The following SNAPC3 variants were observed in gnomAD, a reference collection of about 807,000 sequenced individuals.
The protein encoded by SNAPC3 is small nuclear RNA activating complex polypeptide 3, also known as snRNA-activating protein complex subunit 3.
Under a neutral mutation model 47.7 loss-of-function variants are expected in SNAPC3, and 56 were observed. That is an observed-to-expected ratio of 1.18 (90% CI 0.95 to 1.47). The LOEUF (loss-of-function observed/expected upper bound fraction) is 1.47. Ranked by LOEUF, SNAPC3 falls within the 40% of genes most tolerant of loss-of-function variation. The pLI, the probability that SNAPC3 is intolerant of heterozygous loss-of-function variation, is 0.00. For synonymous variants in SNAPC3, 235 were observed against 189.9 expected (o/e 1.24, Z -1.95); for missense variants, 665 against 511.3 (o/e 1.30, Z -2.90).
chr9:15,449,187 CTG>C (rs2034175035), intron 5 of SNAPC3, among the ~76,000 whole-genome samples: 1 of 152,106 alleles, frequency 6.6e-6, no homozygotes, highest in South Asian at 2.1e-4. Flanking sequence ...TAAGATGTAA[CTG>C]TTAAATAATA....
downstream of SNAPC3, chr9:15,464,622 T>C (rs949014557): frequency 1.5e-5 from 3 of 198,060 alleles, no homozygotes; most frequent in Non-Finnish European, 3.1e-5. Flanking sequence ...ATTTATTGTA[T>C]AAGCATCATG....
chr9:15,444,677 A>AAT lies in SNAPC3; in HGVS notation c.556_557dup (p.Leu187SerfsTer30), dbSNP rs764525653. 2 of 1,606,948 alleles carry AAT rather than the reference A, an allele frequency of 1.2e-6. No individual in the cohort carries two copies. Among genetic ancestry groups the AAT allele is most frequent in the Admixed American group, 3.3e-5 (2 of 59,992 alleles). ...AGAAGGGGAGCTTATCCTATCTGTGAATATCTTGTACCCTGTTATATTTCA... is the reference window on the plus strand; with the variant it reads ...AGAAGGGGAGCTTATCCTATCTGTGAATATATCTTGTACCCTGTTATATTTCA... On this transcript the variant is annotated frameshift_variant, in exon 4 of 9. Transcript: ENST00000380821. LOFTEE classifies it high-confidence loss of function.
At chr9:15,450,284 G>A (rs1341043666) in intron 5 of SNAPC3, among the ~76,000 whole-genome samples, 1 of 152,182 alleles carries the variant, frequency 6.6e-6, no homozygotes, top group Non-Finnish European at 1.5e-5. Flanking sequence ...AGCCAGTCTT[G>A]CAGGAGTGTC....
intron 7 of SNAPC3, among the ~76,000 whole-genome samples, chr9:15,454,915 CAG>C (rs1365609855): frequency 1.3e-5 from 2 of 152,126 alleles, no homozygotes; most frequent in African/African-American, 4.8e-5. Flanking sequence ...GCTTGGGTGA[CAG>C]AGCAAGACTC....
In SNAPC3 at chr9:15,433,595, A is replaced by G. The variant is rs961024104; in HGVS notation, c.436A>G (p.Ile146Val). ...FLEHREETIT[I>V]DRACRQETFV... ...GGAACATCGGGAAGAAACCATTACA[A>G]TAGATCGAGCCTGCAGACAAGAAAC... The change falls in exon 3 of 9, where the codon ATA becomes GTA. Residue 146 changes from isoleucine to valine, a missense_variant. Physicochemically the swap from Ile to Val is conservative, Grantham distance 29. Transcript: ENST00000380821. The G allele has an allele frequency of 5.0e-6, 8 of 1,610,536 alleles. No homozygotes were observed. The East Asian group carries it at 6.7e-5, about 13-fold the overall frequency.
intron 2 of SNAPC3, among the ~76,000 whole-genome samples, chr9:15,425,766 C>T (rs1458840554): frequency 6.6e-6 from 1 of 152,210 alleles, no homozygotes; most frequent in African/African-American, 2.4e-5. Context: ...ATCTGATTGT[C>T]ACTCCCTTGC....
rs558094353 is a variant in SNAPC3 at position 15,434,375 on chromosome 9, T to A, written c.477+739T>A. Among the ~76,000 whole-genome samples, 7 of 151,882 alleles carry A rather than the reference T, an allele frequency of 4.6e-5. No individual in the cohort carries two copies. The South Asian group carries it at 1.5e-3, about 31-fold the overall frequency. The stretch of plus-strand genomic sequence containing the variant: ...ATTTGTCTATTCTAGATATCTCATG[T>A]AAGTGGAATGCTTTTTTGTCCTTTT... On this transcript the variant is annotated intron_variant, in intron 3 of 8. Transcript: ENST00000380821.
downstream of SNAPC3, chr9:15,465,702 GA>G: frequency 2.7e-6 from 2 of 728,662 alleles, no homozygotes; most frequent in South Asian, 4.4e-5. Context: ...CCAAACAAAA[GA>G]AAAACTTGAC....
At chr9:15,457,814 T>C (rs2034910104) in intron 7 of SNAPC3, 146 bp from the exon 8 acceptor site, 3 of 565,078 alleles carry the variant, frequency 5.3e-6, no homozygotes, top group East Asian at 6.8e-5. Context: ...AAACATGGCA[T>C]AACAAGTAAT....
intron 5 of SNAPC3, among the ~76,000 whole-genome samples, chr9:15,448,799 A>G (rs2034139692): frequency 6.6e-6 from 1 of 152,148 alleles, no homozygotes; most frequent in Non-Finnish European, 1.5e-5. Flanking sequence ...CGGAGCAGGA[A>G]ATACGAGATT....
chr9:15,428,077 C>G (rs1242004673), intron 2 of SNAPC3, among the ~76,000 whole-genome samples: 3 of 138,664 alleles, frequency 2.2e-5, no homozygotes, highest in East Asian at 2.3e-4. Context: ...CGCCATTGCA[C>G]TCCAGCCTGG....
At chr9:15,446,253 A>T (rs1024898660) in intron 4 of SNAPC3, among the ~76,000 whole-genome samples, 4 of 152,164 alleles carry the variant, frequency 2.6e-5, no homozygotes, top group African/African-American at 9.7e-5. Flanking sequence ...GCCTTGCTCC[A>T]TTGCCTAGGT....
Position 15,456,198 on chromosome 9 carries a change from C to T in SNAPC3, c.981-1762C>T, listed in dbSNP as rs371917899. Among the ~76,000 whole-genome samples, 11 of 151,604 alleles carry T rather than the reference C, an allele frequency of 7.3e-5. No homozygotes were observed. In the South Asian group the frequency reaches 8.3e-4, roughly 11 times the overall value. ...CTAATTTTTGTATTTTTAGTAGAGA[C>T]GGGGTTTCACCATGTTGGCCAGGCT... On this transcript the variant is annotated intron_variant, in intron 7 of 8. Coordinates refer to ENST00000380821, the MANE Select transcript of SNAPC3 (RefSeq NM_001039697.2).
rs550628951 is a variant in SNAPC3 at position 15,436,849 on chromosome 9, G to A, written c.477+3213G>A. On this transcript the variant is annotated intron_variant, in intron 3 of 8. Coordinates refer to ENST00000380821, the MANE Select transcript of SNAPC3 (RefSeq NM_001039697.2). The stretch of plus-strand genomic sequence containing the variant: ...TTTTTTTTTTTTTTTTTGAGACGAA[G>A]TTTTGCTCTTGTTGCCCAGGCTGGA... Among the ~76,000 whole-genome samples, 118 of 113,740 alleles carry A rather than the reference G, an allele frequency of 1.0e-3. 1 individual carries two copies. Among genetic ancestry groups the A allele is most frequent in the Non-Finnish European group, 1.6e-3 (89 of 56,936 alleles). The allele number at this position is 113,740 out of a possible 152,430, so 74.6% of individuals were successfully genotyped here. A position where few individuals can be genotyped will look rare whatever the true frequency, so the allele number is the denominator to read the frequency against.
At chr9:15,454,244 GAAAA>G (rs1041343609) in intron 7 of SNAPC3, among the ~76,000 whole-genome samples, 6 of 148,248 alleles carry the variant, frequency 4.0e-5, no homozygotes, top group African/African-American at 1.5e-4. Context: ...AAAAAAAAAA[GAAAA>G]AAAGAAAGAA....
intron 7 of SNAPC3, 137 bp from the exon 8 acceptor site, chr9:15,457,821 TAA>T: frequency 1.7e-6 from 1 of 577,314 alleles, no homozygotes; most frequent in Non-Finnish European, 3.0e-6. Flanking sequence ...GCATAACAAG[TAA>T]TTCAGCAACA....
chr9:15,464,610 ATATT>A (rs1265786358), downstream of SNAPC3: 4 of 197,508 alleles, frequency 2.0e-5, no homozygotes, highest in Admixed American at 6.0e-5. Flanking sequence ...ACATTTATTC[ATATT>A]TATTGTATAA....
downstream of SNAPC3, chr9:15,464,370 G>C (rs1014312082): frequency 5.1e-6 from 1 of 194,660 alleles, no homozygotes; most frequent in African/African-American, 2.3e-5. Context: ...TATCCTACTT[G>C]CTGAGAAGTG....
At chr9:15,444,305 A>C (rs575576592) in intron 3 of SNAPC3, among the ~76,000 whole-genome samples, 56 of 152,338 alleles carry the variant, frequency 3.7e-4, no homozygotes, top group African/African-American at 1.2e-3. Flanking sequence ...TGTTATACCA[A>C]CATTAGTTGA....
Sources: allele counts gnomAD v4.1 joint callset (sites outside exome capture counted in the v4.1 genomes callset), GRCh38; gene constraint gnomAD v4.1.1; transcripts MANE v1.5; gene names NCBI Gene and HGNC (gene_info 2026-07-23, HGNC 2026-07-21).